The following FAIM variants were observed in gnomAD, a reference collection of about 807,000 sequenced individuals.
FAIM encodes fas apoptotic inhibitory molecule 1.
A neutral mutation model predicts 21.2 loss-of-function variants in FAIM; 14 were observed. The ratio of observed to expected loss-of-function variants is 0.66; its 90% confidence interval spans 0.44 to 1.03. The LOEUF is 1.03. FAIM is among the 50% of genes least tolerant of loss of function. The pLI is 0.00. For missense variants in FAIM, 222 were observed against 247.1 expected, an observed-to-expected ratio of 0.90 and a Z score of 0.68; for synonymous variants, 86 against 80.4, an observed-to-expected ratio of 1.07 and a Z score of -0.37.
intron 1 of FAIM, among the ~76,000 whole-genome samples, chr3:138,611,700 T>G (rs1218607027): frequency 1.3e-5 from 2 of 152,068 alleles, no homozygotes; most frequent in African/African-American, 4.8e-5. Flanking sequence ...GGTGAATGGG[T>G]TTTTGCTCTA....
At chr3:138,614,472 A>C (rs898248111) in intron 1 of FAIM, among the ~76,000 whole-genome samples, 8 of 152,108 alleles carry the variant, frequency 5.3e-5, no homozygotes, top group African/African-American at 1.9e-4. Context: ...ATTTTCTTCA[A>C]ATTTCTGACA....
chr3:138,625,621 T>G (rs1411614849), intron 4 of FAIM, among the ~76,000 whole-genome samples: 3 of 152,140 alleles, frequency 2.0e-5, no homozygotes, highest in Non-Finnish European at 4.4e-5. Flanking sequence ...CTTGCTAAAT[T>G]TTATATTGAG....
intron 5 of FAIM, among the ~76,000 whole-genome samples, chr3:138,632,002 G>C (rs571460934): frequency 5.3e-5 from 8 of 151,778 alleles, no homozygotes; most frequent in African/African-American, 1.7e-4. Flanking sequence ...ATAGCCAGGG[G>C]GTTTAAGTCT....
intron 1 of FAIM, among the ~76,000 whole-genome samples, chr3:138,613,240 G>A (rs548145292): frequency 2.0e-5 from 3 of 151,890 alleles, no homozygotes; most frequent in Non-Finnish European, 2.9e-5. Flanking sequence ...GGCTGGTCTC[G>A]GACTCCTGAC....
In FAIM at chr3:138,633,293, A is replaced by G. The variant is rs370851305; in HGVS notation, c.*214A>G. On this transcript the variant is annotated 3_prime_UTR_variant, in exon 6 of 6. Coordinates refer to ENST00000360570, the MANE Select transcript of FAIM (RefSeq NM_001033031.2). ...ATGCAAATAATGTAAAATGTTTTAA[A>G]GACAAATGGCAAATAAGATATGGAC... is the stretch of plus-strand genomic sequence containing the variant. 1.3e-4 allele frequency: 44 copies of G among 345,150 alleles called. No homozygotes were observed. Among genetic ancestry groups the G allele is most frequent in the African/African-American group, 9.1e-4 (43 of 47,146 alleles). 21.4% of individuals were successfully genotyped at this position (345,150 alleles called of 1,614,324 possible).
intron 4 of FAIM, among the ~76,000 whole-genome samples, chr3:138,628,638 C>T (rs1330747597): frequency 6.6e-6 from 1 of 152,048 alleles, no homozygotes; most frequent in African/African-American, 2.4e-5. Flanking sequence ...GCACCCACCA[C>T]CATGCCCGGC....
At chr3:138,625,718 G>T (rs2042932089) in intron 4 of FAIM, among the ~76,000 whole-genome samples, 1 of 152,102 alleles carries the variant, frequency 6.6e-6, no homozygotes, top group Admixed American at 6.5e-5. Flanking sequence ...ACTATACTAG[G>T]CACTTTATAT....
chr3:138,610,084 C>G (rs2042751448), intron 1 of FAIM, among the ~76,000 whole-genome samples: 1 of 152,158 alleles, frequency 6.6e-6, no homozygotes, highest in African/African-American at 2.4e-5. Flanking sequence ...GCATTATTGG[C>G]TGGCCCTACC....
chr3:138,631,187 G>C (rs1300747441), intron 5 of FAIM: 1 of 151,730 alleles, frequency 6.6e-6, no homozygotes, highest in Non-Finnish European at 1.5e-5. Context: ...GCCAAGATGG[G>C]AGGATCATTT....
rs145700416 is a variant in FAIM at position 138,609,593 on chromosome 3, ACTCTCT to A, written c.-17+670_-17+675del. Among the ~76,000 whole-genome samples, 10 of 26,774 alleles carry A rather than the reference ACTCTCT, an allele frequency of 3.7e-4. No homozygotes were observed. The East Asian group carries it at 5.2e-3, about 14-fold the overall frequency. 17.6% of individuals were successfully genotyped at this position (26,774 alleles called of 152,430 possible). ...CTCTCTCTCGACTCTCTCTCTCTCGACTCTCTCTCTCTCTCTCTCGACTCTCTCTCT... is the reference window on the plus strand; with the variant it reads ...CTCTCTCTCGACTCTCTCTCTCTCGACTCTCTCTCTCTCGACTCTCTCTCT... On this transcript the variant is annotated intron_variant, in intron 1 of 5. Coordinates refer to ENST00000360570, the MANE Select transcript of FAIM (RefSeq NM_001033031.2).
chr3:138,617,543 A>G (rs1012576324), intron 1 of FAIM, among the ~76,000 whole-genome samples: 5 of 146,696 alleles, frequency 3.4e-5, no homozygotes, highest in East Asian at 2.0e-4. Context: ...CTATCTACCT[A>G]TCTACCTATC....
At chr3:138,609,743 G>A (rs2042747668) in intron 1 of FAIM, among the ~76,000 whole-genome samples, 1 of 151,746 alleles carries the variant, frequency 6.6e-6, no homozygotes, top group Admixed American at 6.6e-5. Context: ...CCCTGATGGT[G>A]AGCGTACAAG....
chr3:138,609,108 T>TC (rs2042722061), intron 1 of FAIM, 171 bp downstream of exon 1: 1 of 152,798 alleles, frequency 6.5e-6, no homozygotes. Flanking sequence ...GCGGGCGGTG[T>TC]TTGCGCGGTC....
chr3:138,615,658 G>A (rs1414518249), intron 1 of FAIM, among the ~76,000 whole-genome samples: 9 of 151,954 alleles, frequency 5.9e-5, no homozygotes, highest in Non-Finnish European at 1.3e-4. Flanking sequence ...ATATTTTTAC[G>A]TGCATTTGAT....
chr3:138,609,534 C>CACTG (rs1560490828), intron 1 of FAIM, among the ~76,000 whole-genome samples: 1 of 4,272 alleles, frequency 2.3e-4, no homozygotes, highest in Admixed American at 3.0e-3. Flanking sequence ...AGTGCTGAAA[C>CACTG]TCTCTCTCTC....
At chr3:138,614,068 T>A (rs2042800107) in intron 1 of FAIM, among the ~76,000 whole-genome samples, 1 of 152,212 alleles carries the variant, frequency 6.6e-6, no homozygotes, top group Admixed American at 6.5e-5. Flanking sequence ...CCAGTTAGAG[T>A]TGGCACCCTT....
At chr3:138,624,690 T>G (rs1479249381) in intron 4 of FAIM, among the ~76,000 whole-genome samples, 3 of 152,232 alleles carry the variant, frequency 2.0e-5, no homozygotes, top group Non-Finnish European at 2.9e-5. Context: ...TTATGAAGAA[T>G]GCAGGCTCCA....
At chr3:138,625,456 C>CT in intron 4 of FAIM, among the ~76,000 whole-genome samples, 1 of 110,680 alleles carries the variant, frequency 9.0e-6, no homozygotes, top group Middle Eastern at 4.1e-3. Flanking sequence ...AAGCAAGACT[C>CT]TGTCTCAAAA....
intron 1 of FAIM, among the ~76,000 whole-genome samples, chr3:138,614,083 A>G (rs2042800233): frequency 6.6e-6 from 1 of 152,228 alleles, no homozygotes; most frequent in African/African-American, 2.4e-5. Context: ...ACCCTTGTCA[A>G]AAATCATTTG....
Sources: allele counts gnomAD v4.1 joint callset (sites outside exome capture counted in the v4.1 genomes callset), GRCh38; gene constraint gnomAD v4.1.1; transcripts MANE v1.5; gene names NCBI Gene and HGNC (gene_info 2026-07-23, HGNC 2026-07-21).